DTWD2: variants seen among roughly 807,000 people sequenced by gnomAD.
DTWD2 encodes the protein tRNA-uridine aminocarboxypropyltransferase 2.
Under a neutral mutation model 31.8 loss-of-function variants are expected in DTWD2, and 39 were observed. The observed-to-expected ratio is 1.22, with a 90% CI of 0.95 to 1.60. The LOEUF (loss-of-function observed/expected upper bound fraction) is 1.60, where lower values mean the gene tolerates loss of function less well. Among genes scored for constraint, DTWD2 ranks in the 40% most tolerant of loss-of-function variants. The pLI is 0.00. For synonymous variants in DTWD2, 180 were observed against 142.8 expected, an observed-to-expected ratio of 1.26 and a Z score of -1.86; for missense variants, 515 against 381.5, an observed-to-expected ratio of 1.35 and a Z score of -2.92.
At chr5:118,959,177 T>G (rs1042423198) in intron 1 of DTWD2, among the ~76,000 whole-genome samples, 9 of 152,090 alleles carry the variant, frequency 5.9e-5, no homozygotes, top group African/African-American at 2.2e-4. Context: ...TTGCAGACAA[T>G]ATTCTTTTTT....
intron 1 of DTWD2, among the ~76,000 whole-genome samples, chr5:118,981,384 A>G (rs1306467783): frequency 6.6e-6 from 1 of 152,214 alleles, no homozygotes; most frequent in Non-Finnish European, 1.5e-5. Context: ...TGAAAAAAGA[A>G]TTAGACTGCC....
At chr5:118,968,014 A>G (rs1415139380) in intron 1 of DTWD2, among the ~76,000 whole-genome samples, 1 of 152,224 alleles carries the variant, frequency 6.6e-6, no homozygotes, top group East Asian at 1.9e-4. Context: ...AATAATGCAT[A>G]TTGATATCAT....
At chr5:118,870,229 A>G (rs1752471888) in intron 4 of DTWD2, among the ~76,000 whole-genome samples, 2 of 152,244 alleles carry the variant, frequency 1.3e-5, no homozygotes, top group Admixed American at 1.3e-4. Context: ...TATCACAGAT[A>G]AAATACTCAC....
intron 1 of DTWD2, among the ~76,000 whole-genome samples, chr5:118,963,842 T>G (rs1387459965): frequency 6.6e-6 from 1 of 152,162 alleles, no homozygotes; most frequent in Non-Finnish European, 1.5e-5. Context: ...TTTCTTCCCT[T>G]AAAGATCCTT....
chr5:118,967,039 A>G (rs1754867815), intron 1 of DTWD2, among the ~76,000 whole-genome samples: 1 of 152,018 alleles, frequency 6.6e-6, no homozygotes, highest in African/African-American at 2.4e-5. Flanking sequence ...CAAAAAAAAA[A>G]AAAGACAATC....
At chr5:118,926,005 A>G (rs1753801009) in intron 4 of DTWD2, among the ~76,000 whole-genome samples, 1 of 152,138 alleles carries the variant, frequency 6.6e-6, no homozygotes, top group African/African-American at 2.4e-5. Flanking sequence ...CGAGGTAGGG[A>G]GAGGATCACT....
intron 1 of DTWD2, among the ~76,000 whole-genome samples, chr5:118,950,007 G>A (rs560212613): frequency 1.6e-4 from 25 of 152,116 alleles, no homozygotes; most frequent in African/African-American, 5.8e-4. Context: ...TCAGGAGATC[G>A]AGACCATCCT....
chr5:118,879,609 CAAAAAAAAAAAA>C (rs775009585), intron 4 of DTWD2, among the ~76,000 whole-genome samples: 52 of 36,206 alleles, frequency 1.4e-3, no homozygotes, highest in Non-Finnish European at 2.2e-3. Flanking sequence ...GACTACAGCT[CAAAAAAAAAAAA>C]AAAAAAAAAG....
intron 4 of DTWD2, among the ~76,000 whole-genome samples, chr5:118,916,322 T>G (rs1012122614): frequency 7.2e-5 from 11 of 152,196 alleles, no homozygotes; most frequent in African/African-American, 2.4e-4. Context: ...TTAGTGGCAG[T>G]AAATAAAAGA....
intron 1 of DTWD2, among the ~76,000 whole-genome samples, chr5:118,958,214 G>T (rs922922391): frequency 3.3e-5 from 5 of 152,072 alleles, no homozygotes; most frequent in Non-Finnish European, 5.9e-5. Flanking sequence ...CAGCACTTTG[G>T]GGGGCCAAGG....
At chr5:118,924,860 G>A (rs1334411786) in intron 4 of DTWD2, among the ~76,000 whole-genome samples, 1 of 152,086 alleles carries the variant, frequency 6.6e-6, no homozygotes, top group African/African-American at 2.4e-5. Flanking sequence ...TAATGTCTCT[G>A]TACTTTGGTT....
chr5:118,846,814 C>A (rs1374111552), intron 5 of DTWD2, among the ~76,000 whole-genome samples: 1 of 151,814 alleles, frequency 6.6e-6, no homozygotes, highest in Admixed American at 6.6e-5. Flanking sequence ...TGAGAACACT[C>A]CCTGCTCATT....
chr5:118,871,445 A>G (rs1036421243), intron 4 of DTWD2, among the ~76,000 whole-genome samples: 106 of 152,342 alleles, frequency 7.0e-4, no homozygotes, highest in African/African-American at 2.5e-3. Flanking sequence ...TGGCAACTAT[A>G]GCCTTATGAA....
Position 118,928,745 on chromosome 5 carries a change from A to G in DTWD2, c.405-16T>C. 6.6e-7 allele frequency: 1 copy of G among 1,508,366 alleles called. No individual in the cohort carries two copies. Among genetic ancestry groups the G allele is most frequent in the South Asian group, 1.5e-5 (1 of 67,824 alleles). 93.4% of individuals were successfully genotyped at this position (1,508,366 alleles called of 1,614,324 possible). A position where few individuals can be genotyped will look rare whatever the true frequency, so the allele number is the denominator to read the frequency against. On this transcript the variant is annotated splice_polypyrimidine_tract_variant and intron_variant, in intron 3 of 5. Transcript: ENST00000510708. ...TTCAGGATCTCTGAAAAAGTTTTTT[A>G]AAAATATATCTTTATTAGCTTGTGA... is the stretch of plus-strand genomic sequence containing the variant.
chr5:118,900,741 A>G (rs1351237500), intron 4 of DTWD2, among the ~76,000 whole-genome samples: 1 of 152,042 alleles, frequency 6.6e-6, no homozygotes, highest in East Asian at 1.9e-4. Flanking sequence ...CCTGGCTAAC[A>G]TGGTGAAACC....
At chr5:118,873,546 C>T (rs1313442207) in intron 4 of DTWD2, among the ~76,000 whole-genome samples, 3 of 152,192 alleles carry the variant, frequency 2.0e-5, no homozygotes, top group Admixed American at 6.5e-5. Context: ...ACAGCAACTC[C>T]CCACCTCACT....
chr5:118,893,101 C>A (rs746074608), intron 4 of DTWD2, among the ~76,000 whole-genome samples: 1 of 151,734 alleles, frequency 6.6e-6, no homozygotes, highest in Non-Finnish European at 1.5e-5. Context: ...AAAGGCCAAG[C>A]GTGGTGGCTC....
intron 4 of DTWD2, among the ~76,000 whole-genome samples, chr5:118,904,965 A>G (rs1028541781): frequency 2.0e-5 from 3 of 152,134 alleles, no homozygotes; most frequent in Non-Finnish European, 4.4e-5. Flanking sequence ...GTTTAGCAGT[A>G]TAAGAACTCC....
intron 1 of DTWD2, among the ~76,000 whole-genome samples, chr5:118,945,808 A>AAGAAAGAAAGAAAG (rs1454402121): frequency 9.4e-5 from 14 of 148,472 alleles, no homozygotes; most frequent in African/African-American, 3.3e-4. Context: ...GAAAGAAAGA[A>AAGAAAGAAAGAAAG]AGAAATTCAT....
Sources: allele counts gnomAD v4.1 joint callset (sites outside exome capture counted in the v4.1 genomes callset), GRCh38; gene constraint gnomAD v4.1.1; transcripts MANE v1.5; gene names NCBI Gene and HGNC (gene_info 2026-07-23, HGNC 2026-07-21).